The following TFEC variants were observed in gnomAD, a reference collection of about 807,000 sequenced individuals.
The protein encoded by TFEC is class E basic helix-loop-helix protein 34.
A neutral mutation model predicts 41.6 loss-of-function variants in TFEC; 31 were observed. The ratio of observed to expected loss-of-function variants is 0.74; its 90% CI spans 0.56 to 1.01. The LOEUF (loss-of-function observed/expected upper bound fraction) is 1.01, where lower values mean the gene tolerates loss of function less well. Ranked by LOEUF, TFEC falls within the 50% of genes least tolerant of loss-of-function variation. TFEC has a pLI of 0.00. For synonymous variants in TFEC, 143 were observed against 140.6 expected, an observed-to-expected ratio of 1.02 and a Z score of -0.12; for missense variants, 402 against 404.1, an observed-to-expected ratio of 0.99 and a Z score of 0.04.
intron 1 of TFEC, among the ~76,000 whole-genome samples, chr7:116,140,562 AC>A (rs981262308): frequency 6.6e-6 from 1 of 152,170 alleles, no homozygotes; most frequent in African/African-American, 2.4e-5. Flanking sequence ...TAATAACAAA[AC>A]AGATATGTGT....
chr7:116,142,041 T>C (rs1054006262), intron 1 of TFEC, among the ~76,000 whole-genome samples: 2 of 152,162 alleles, frequency 1.3e-5, no homozygotes, highest in Admixed American at 6.6e-5. Context: ...ACTGGTGCCA[T>C]TTAGGTTAAG....
intron 1 of TFEC, among the ~76,000 whole-genome samples, chr7:116,010,006 T>C (rs745382050): frequency 2.6e-5 from 4 of 152,006 alleles, no homozygotes; most frequent in Non-Finnish European, 5.9e-5. Context: ...ACAGGATGGG[T>C]GAACAGGAAG....
At chr7:116,120,888 G>A (rs1798094609) in intron 1 of TFEC, among the ~76,000 whole-genome samples, 1 of 151,890 alleles carries the variant, frequency 6.6e-6, no homozygotes, top group Non-Finnish European at 1.5e-5. Context: ...TTGTGTTCCA[G>A]TCCAATGCAT....
intron 1 of TFEC, among the ~76,000 whole-genome samples, chr7:116,114,968 A>C (rs751293981): frequency 1.3e-5 from 2 of 151,858 alleles, no homozygotes; most frequent in Non-Finnish European, 2.9e-5. Context: ...GAAGAGAAAA[A>C]TCTCCCCACA....
chr7:116,023,047 A>G (rs1397563456), intron 1 of TFEC, among the ~76,000 whole-genome samples: 1 of 151,946 alleles, frequency 6.6e-6, no homozygotes, highest in African/African-American at 2.4e-5. Flanking sequence ...TATAACAAAT[A>G]GCTAATTAAC....
chr7:116,051,693 A>G (rs1424320621), intron 3 of TFEC, among the ~76,000 whole-genome samples: 3 of 152,182 alleles, frequency 2.0e-5, no homozygotes, highest in African/African-American at 7.2e-5. Flanking sequence ...ATCTAGATCT[A>G]TTTCATGGAG....
chr7:115,951,568 C>T lies in TFEC; in HGVS notation c.440-619G>A, dbSNP rs545774148. Among the ~76,000 whole-genome samples, 54 of 152,036 alleles carry T rather than the reference C, an allele frequency of 3.6e-4. No homozygotes were observed. The South Asian group carries it at 0.011, about 30-fold the overall frequency. ...TAAATAAGTGGTTTTTATACTTTGG[C>T]ACTCTTTAGACACACCTGGAAGGAT... On this transcript the variant is annotated intron_variant, in intron 5 of 7. Coordinates refer to ENST00000265440, the MANE Select transcript of TFEC (RefSeq NM_012252.4).
chr7:116,138,808 T>C (rs1037367201), intron 1 of TFEC, among the ~76,000 whole-genome samples: 8 of 152,172 alleles, frequency 5.3e-5, no homozygotes, highest in Admixed American at 4.6e-4. Flanking sequence ...AGCAGGAGCC[T>C]TGTTTAATTT....
intron 1 of TFEC, among the ~76,000 whole-genome samples, chr7:116,006,541 CACCCT>C (rs1794796693): frequency 1.3e-5 from 2 of 152,202 alleles, no homozygotes; most frequent in Non-Finnish European, 2.9e-5. Context: ...CCAATGCCTG[CACCCT>C]CACTGTATCT....
At chr7:116,098,874 G>T (rs1177281126) in intron 3 of TFEC, among the ~76,000 whole-genome samples, 2 of 115,590 alleles carry the variant, frequency 1.7e-5, no homozygotes, top group Non-Finnish European at 1.8e-5. Flanking sequence ...AGAAAAGGAA[G>T]GAAGGAAGGA....
At chr7:116,118,338 T>A (rs1363138226) in intron 1 of TFEC, among the ~76,000 whole-genome samples, 2 of 151,918 alleles carry the variant, frequency 1.3e-5, no homozygotes, top group Non-Finnish European at 2.9e-5. Context: ...CTGCAAAATG[T>A]TTGCAAATTC....
intron 1 of TFEC, among the ~76,000 whole-genome samples, chr7:116,030,022 C>T (rs1223780241): frequency 3.9e-5 from 6 of 152,192 alleles, no homozygotes; most frequent in South Asian, 2.1e-4. Context: ...GCAGAGATCA[C>T]GCCATTGCAC....
At chr7:116,108,373 A>G (rs892763693) in intron 3 of TFEC, among the ~76,000 whole-genome samples, 1 of 152,156 alleles carries the variant, frequency 6.6e-6, no homozygotes, top group Non-Finnish European at 1.5e-5. Flanking sequence ...ACAGTAACAA[A>G]GCCTTCCTTG....
chr7:116,051,407 A>T (rs1584455489), intron 3 of TFEC, among the ~76,000 whole-genome samples: 1 of 152,202 alleles, frequency 6.6e-6, no homozygotes, highest in Non-Finnish European at 1.5e-5. Flanking sequence ...ATCATACTAG[A>T]GGCAAAATTC....
intron 1 of TFEC, among the ~76,000 whole-genome samples, chr7:115,985,153 A>G (rs191853306): frequency 2.0e-5 from 3 of 152,182 alleles, no homozygotes; most frequent in South Asian, 2.1e-4. Flanking sequence ...TGGTATAGTC[A>G]TTATTATGAC....
chr7:115,974,944 C>T (rs1793315620), intron 2 of TFEC, among the ~76,000 whole-genome samples: 1 of 151,926 alleles, frequency 6.6e-6, no homozygotes, highest in African/African-American at 2.4e-5. Flanking sequence ...TTACATACAT[C>T]ATTCATTTAA....
At chr7:116,098,387 C>A (rs530559397) in intron 3 of TFEC, among the ~76,000 whole-genome samples, 1 of 151,950 alleles carries the variant, frequency 6.6e-6, no homozygotes, top group Non-Finnish European at 1.5e-5. Flanking sequence ...TCGGCGTGAA[C>A]CACTGCGCCC....
At chr7:116,101,854 A>C (rs1013219787) in intron 3 of TFEC, among the ~76,000 whole-genome samples, 3 of 152,236 alleles carry the variant, frequency 2.0e-5, no homozygotes, top group Non-Finnish European at 2.9e-5. Context: ...TAAGTTTGCC[A>C]TTCAGTAATG....
chr7:116,028,222 T>C (rs1795658699), intron 1 of TFEC, among the ~76,000 whole-genome samples: 1 of 152,208 alleles, frequency 6.6e-6, no homozygotes, highest in Non-Finnish European at 1.5e-5. Context: ...CTCCAATAAA[T>C]ACAATTTAAT....
Sources: gnomAD v4.1 joint callset for allele counts (sites outside exome capture counted in the v4.1 genomes callset) on GRCh38, gnomAD v4.1.1 for gene constraint, MANE v1.5 for transcripts, NCBI Gene and HGNC (gene_info 2026-07-23, HGNC 2026-07-21) for gene names.